The following NXPH1 variants were observed in gnomAD, a reference collection of about 807,000 sequenced individuals.
NXPH1 encodes neurexophilin 1, also known as neurexophilin-1.
Under a neutral mutation model 23.7 loss-of-function variants are expected in NXPH1, and 5 were observed. That is an observed-to-expected ratio of 0.21 (90% CI 0.11 to 0.44). The LOEUF is 0.44. Among genes scored for constraint, NXPH1 ranks in the 20% least tolerant of loss-of-function variants. The pLI is 0.99. For missense variants in NXPH1, 324 were observed against 321.6 expected (o/e 1.01, Z -0.06); for synonymous variants, 144 against 122.2 (o/e 1.18, Z -1.18).
rs1816545301 is a variant in NXPH1 at position 8,453,739 on chromosome 7, A to G, written c.54+17972A>G. ...CTTCCAGCTCTACCCATGTCCCTGC[A>G]AAGGAAATGATCTTGTTCTTTTTTA... On this transcript the variant is annotated intron_variant, in intron 2 of 2. Coordinates refer to ENST00000405863, the MANE Select transcript of NXPH1 (RefSeq NM_152745.3). 2.0e-5 allele frequency among the ~76,000 whole-genome samples: 3 copies of G among 152,120 alleles called. No individual in the cohort carries two copies. In the South Asian group the frequency reaches 6.2e-4, roughly 31 times the overall value.
chr7:8,749,052 T>G, intron 2 of NXPH1, among the ~76,000 whole-genome samples: 1 of 152,202 alleles, frequency 6.6e-6, no homozygotes, highest in Non-Finnish European at 1.5e-5. Flanking sequence ...GAGCCCATTT[T>G]TTTCCACATT....
At chr7:8,436,329 T>A (rs1816194264) in intron 2 of NXPH1, among the ~76,000 whole-genome samples, 1 of 152,222 alleles carries the variant, frequency 6.6e-6, no homozygotes, top group Admixed American at 6.5e-5. Flanking sequence ...AGGACAGAGA[T>A]ACTCCAGCAA....
At chr7:8,572,752 G>GT (rs912614268) in intron 2 of NXPH1, among the ~76,000 whole-genome samples, 8 of 151,626 alleles carry the variant, frequency 5.3e-5, no homozygotes, top group Admixed American at 1.3e-4. Context: ...GTATATATTA[G>GT]TTTTTTTTCA....
intron 2 of NXPH1, among the ~76,000 whole-genome samples, chr7:8,740,345 G>C (rs1055430606): frequency 6.6e-6 from 1 of 152,116 alleles, no homozygotes; most frequent in African/African-American, 2.4e-5. Flanking sequence ...TTGTTTGGAT[G>C]GCAAGAAGAA....
chr7:8,639,947 T>C lies in NXPH1; in HGVS notation c.55-111061T>C, dbSNP rs116956999. The stretch of plus-strand genomic sequence containing the variant: ...TTCAGGTATGTTGTTATTAGCAGCA[T>C]GAAAACGAACTAATAAACCTAGCTT... On this transcript the variant is annotated intron_variant, in intron 2 of 2. Coordinates refer to ENST00000405863, the MANE Select transcript of NXPH1 (RefSeq NM_152745.3). 5.3e-3 allele frequency among the ~76,000 whole-genome samples: 800 copies of C among 152,340 alleles called. 4 individuals carry two copies. The highest frequency in any genetic ancestry group is 8.1e-3 in the Non-Finnish European group (552 of 68,028).
intron 2 of NXPH1, among the ~76,000 whole-genome samples, chr7:8,559,240 G>A (rs890274327): frequency 6.6e-6 from 1 of 151,792 alleles, no homozygotes; most frequent in Admixed American, 6.6e-5. Context: ...TTATAGGCAT[G>A]AGCCGCCACG....
intron 2 of NXPH1, among the ~76,000 whole-genome samples, chr7:8,675,844 G>A (rs1820943770): frequency 6.6e-6 from 1 of 152,152 alleles, no homozygotes; most frequent in Admixed American, 6.6e-5. Flanking sequence ...TTTATAATGT[G>A]TAAATGGATT....
At chr7:8,536,804 T>C (rs897618258) in intron 2 of NXPH1, among the ~76,000 whole-genome samples, 2 of 151,908 alleles carry the variant, frequency 1.3e-5, no homozygotes, top group Non-Finnish European at 2.9e-5. Context: ...TTAGGTTGTG[T>C]CTTGGAAATC....
chr7:8,451,534 T>C (rs1422555328), intron 2 of NXPH1, among the ~76,000 whole-genome samples: 1 of 152,230 alleles, frequency 6.6e-6, no homozygotes, highest in African/African-American at 2.4e-5. Flanking sequence ...GAATAACGAA[T>C]TGAGACTGCT....
At chr7:8,734,150 T>C (rs950731737) in intron 2 of NXPH1, among the ~76,000 whole-genome samples, 25 of 152,234 alleles carry the variant, frequency 1.6e-4, no homozygotes, top group Admixed American at 5.9e-4. Flanking sequence ...CCGTTGCTTG[T>C]TTTTGTCAGG....
chr7:8,626,844 A>G (rs967672078), intron 2 of NXPH1, among the ~76,000 whole-genome samples: 1 of 152,000 alleles, frequency 6.6e-6, no homozygotes, highest in Non-Finnish European at 1.5e-5. Flanking sequence ...TTCTTGGGAC[A>G]CTTTTTCTGG....
chr7:8,612,100 G>C (rs192432336), intron 2 of NXPH1, among the ~76,000 whole-genome samples: 20 of 151,940 alleles, frequency 1.3e-4, no homozygotes, highest in African/African-American at 3.4e-4. Context: ...ATATGTGAAG[G>C]CATGTTCAGT....
At chr7:8,546,825 TCAA>T (rs1219382302) in intron 2 of NXPH1, among the ~76,000 whole-genome samples, 1 of 151,388 alleles carries the variant, frequency 6.6e-6, no homozygotes. Context: ...TATTTTTGTT[TCAA>T]CAACAATAGT....
chr7:8,517,336 G>A (rs1178355026), intron 2 of NXPH1, among the ~76,000 whole-genome samples: 2 of 152,154 alleles, frequency 1.3e-5, no homozygotes, highest in Non-Finnish European at 2.9e-5. Flanking sequence ...AGAGTGAGGA[G>A]AAGAGGATTG....
rs536937994 is a variant in NXPH1, at chr7:8,528,041, C to T, written c.54+92274C>T. On this transcript the variant is annotated intron_variant, in intron 2 of 2. Transcript: ENST00000405863. Reference sequence around the variant, plus strand: ...CTTTCTGTAGCTGATAAAACTCATACGGGTGGTTCTTTGACCTAGCTCCAA... The same window carrying T: ...CTTTCTGTAGCTGATAAAACTCATATGGGTGGTTCTTTGACCTAGCTCCAA... 1.7e-4 allele frequency among the ~76,000 whole-genome samples: 26 copies of T among 152,344 alleles called. No individual in the cohort carries two copies. The South Asian group carries it at 4.1e-3, about 24-fold the overall frequency.
rs1038275178 is a variant in NXPH1, at chr7:8,743,688, T to C, written c.55-7320T>C. Reference sequence around the variant, plus strand: ...GTGTGGCAACTCTTTTTTTTTCTTTTCTTTTTTTTTTTTGAGATTGAGTCT... The same window carrying C: ...GTGTGGCAACTCTTTTTTTTTCTTTCCTTTTTTTTTTTTGAGATTGAGTCT... On this transcript the variant is annotated intron_variant, in intron 2 of 2. Coordinates refer to ENST00000405863, the MANE Select transcript of NXPH1 (RefSeq NM_152745.3). 4.1e-5 allele frequency among the ~76,000 whole-genome samples: 5 copies of C among 120,892 alleles called. No individual in the cohort carries two copies. The South Asian group carries it at 1.4e-3, about 33-fold the overall frequency. The allele number at this position is 120,892 out of a possible 152,430, so 79.3% of individuals were successfully genotyped here.
intron 2 of NXPH1, among the ~76,000 whole-genome samples, chr7:8,569,040 T>C (rs979834841): frequency 9.2e-5 from 14 of 151,934 alleles, no homozygotes; most frequent in African/African-American, 3.1e-4. Context: ...TAAAACTGTT[T>C]TGATGAAATT....
chr7:8,484,582 A>G (rs1817127895), intron 2 of NXPH1, among the ~76,000 whole-genome samples: 1 of 152,238 alleles, frequency 6.6e-6, no homozygotes, highest in Non-Finnish European at 1.5e-5. Flanking sequence ...TGTATGCAAC[A>G]TAACCACTTC....
chr7:8,727,741 C>A (rs1780080902), intron 2 of NXPH1, among the ~76,000 whole-genome samples: 1 of 152,056 alleles, frequency 6.6e-6, no homozygotes, highest in African/African-American at 2.4e-5. Flanking sequence ...GTTACTGTAG[C>A]CTTGTAGTAT....
Sources: gnomAD v4.1 joint callset for allele counts (sites outside exome capture counted in the v4.1 genomes callset) on GRCh38, gnomAD v4.1.1 for gene constraint, MANE v1.5 for transcripts, NCBI Gene and HGNC (gene_info 2026-07-23, HGNC 2026-07-21) for gene names.